RGS11: variants seen among roughly 807,000 people sequenced by gnomAD.
RGS11 encodes regulator of G protein signaling 11.
A neutral mutation model predicts 71.1 loss-of-function variants in RGS11; 86 were observed. That is an observed-to-expected ratio of 1.21 (90% confidence interval 1.02 to 1.45). The LOEUF (loss-of-function observed/expected upper bound fraction) is 1.45. Ranked by LOEUF, RGS11 falls within the 40% of genes most tolerant of loss-of-function variation. The probability of loss-of-function intolerance (pLI) is 0.00; values close to 1 mark genes in which losing one functional copy is unlikely to be tolerated. For missense variants in RGS11, 734 were observed against 635.1 expected (o/e 1.16, Z -1.67); for synonymous variants, 298 against 254.2 (o/e 1.17, Z -1.64).
chr16:270,853 C>G (rs763936023), intron 13 of RGS11, 22 bp from the exon 14 acceptor site: 1 of 1,605,968 alleles, frequency 6.2e-7, no homozygotes, highest in African/African-American at 1.3e-5. Context: ...GGCACCCAGT[C>G]AAGGATCCCA....
Position 271,054 on chromosome 16 carries a change from G to T in RGS11, c.909C>A (p.Ser303Arg). 6.2e-7 allele frequency: 1 copy of T among 1,612,538 alleles called. No individual in the cohort carries two copies. The highest frequency in any genetic ancestry group is 8.5e-7 in the Non-Finnish European group (1 of 1,179,946). ...TKLRVERWGFSFRELLEDPVG... is the reference protein window; with the variant it reads ...TKLRVERWGFRFRELLEDPVG... ...CGGGGTCCTCCAGGAGCTCCCGGAA[G>T]CTGAAGCCCCATCTCTCCACACGGA... The change falls in exon 13 of 17, where the codon AGC (serine) becomes AGA (arginine). Residue 303 changes from serine (S) to arginine (R), a missense_variant. Coordinates refer to ENST00000397770, the MANE Select transcript of RGS11 (RefSeq NM_183337.3).
At chr16:274,422 T>C (rs1680519995) in intron 4 of RGS11, 157 bp from the exon 5 acceptor site, 2 of 709,452 alleles carry the variant, frequency 2.8e-6, no homozygotes, top group Non-Finnish European at 4.7e-6. Context: ...CACTGACCAC[T>C]GGCCAGTCTC....
chr16:274,870 C>G, intron 4 of RGS11, 106 bp downstream of exon 4: 1 of 1,476,194 alleles, frequency 6.8e-7, no homozygotes, highest in African/African-American at 1.4e-5. Flanking sequence ...CGGAGTCCCA[C>G]TCCAATCCCA....
chr16:273,734 C>G (rs371146219), intron 7 of RGS11, 26 bp downstream of exon 7: 6 of 1,590,130 alleles, frequency 3.8e-6, no homozygotes, highest in Non-Finnish European at 5.2e-6. Flanking sequence ...CGCCTGCAGG[C>G]GGGGCGGGGC....
intron 2 of RGS11, 30 bp from the exon 3 acceptor site, chr16:275,363 G>A: frequency 3.1e-6 from 5 of 1,610,978 alleles, no homozygotes; most frequent in Non-Finnish European, 4.2e-6. Context: ...GTGGAGGGAG[G>A]CCGAGGCGCG....
rs1462366448 is a variant in RGS11 at position 271,663 on chromosome 16, G to A, written c.658-94C>T. 15 of 1,237,864 alleles carry A rather than the reference G, an allele frequency of 1.2e-5. No homozygotes were observed. The Admixed American group carries it at 2.4e-4, about 20-fold the overall frequency. The allele number at this position is 1,237,864 out of a possible 1,614,324, so 76.7% of individuals were successfully genotyped here. A position where few individuals can be genotyped will look rare whatever the true frequency, so the allele number is the denominator to read the frequency against. On this transcript the variant is annotated intron_variant, in intron 9 of 16. Transcript: ENST00000397770. ...GGGCACCTCCCCAGGCTGAGCCCCT[G>A]CCCCATAGATCTGGCAGAGATGGTG...
chr16:272,288 A>G (rs977979573), intron 9 of RGS11: 2 of 1,260,598 alleles, frequency 1.6e-6, no homozygotes, highest in Admixed American at 4.9e-5. Flanking sequence ...ACGCGCTGCG[A>G]GTCCTGGCCT....
chr16:270,576 G>C lies in RGS11; in HGVS notation c.1153C>G (p.His385Asp). Reference sequence around the variant, plus strand: ...TGGGCGTCATCCAGGACATAGCGGTGGGGCTGGCGCAGCCCCTCCAGGGTC... The same window carrying C: ...TGGGCGTCATCCAGGACATAGCGGTCGGGCTGGCGCAGCCCCTCCAGGGTC... ...EQTLEGLRQPHRYVLDDAQLH... is the reference protein window; with the variant it reads ...EQTLEGLRQPDRYVLDDAQLH... Residue 385 changes from histidine to aspartate, a missense_variant, in exon 15 of 17, where the codon CAC becomes GAC. Transcript: ENST00000397770. The C allele has an allele frequency of 6.2e-7, 1 of 1,608,876 alleles. No individual in the cohort carries two copies. Among genetic ancestry groups the C allele is most frequent in the Non-Finnish European group, 8.5e-7 (1 of 1,178,198 alleles).
chr16:275,809 G>T, intron 1 of RGS11, 40 bp downstream of exon 1: 3 of 918,514 alleles, frequency 3.3e-6, no homozygotes, highest in Non-Finnish European at 4.2e-6. Flanking sequence ...CTCGGGCGCC[G>T]GGAAATCGGG....
Position 268,940 on chromosome 16 carries a change from C to T in RGS11, c.*329G>A. ...CTGGTTTTAGAGATGGGGATGGGCACCCAGTGCTGGACTGAAGACCAGAGA... is the reference window on the plus strand; with the variant it reads ...CTGGTTTTAGAGATGGGGATGGGCATCCAGTGCTGGACTGAAGACCAGAGA... On this transcript the variant is annotated 3_prime_UTR_variant, in exon 17 of 17. Transcript: ENST00000397770. The T allele has an allele frequency of 1.3e-6, 2 of 1,550,376 alleles. No individual in the cohort carries two copies. Among genetic ancestry groups the T allele is most frequent in the Non-Finnish European group, 1.7e-6 (2 of 1,146,872 alleles).
chr16:272,319 C>T (rs1334689752), intron 9 of RGS11: 1 of 1,286,136 alleles, frequency 7.8e-7, no homozygotes, highest in South Asian at 1.2e-5. Context: ...TCTCTCTGAC[C>T]AGCTTTGTAT....
intron 11 of RGS11, 35 bp from the exon 12 acceptor site, chr16:271,350 C>CCTCAGCACTCAGCAGGGGT: frequency 2.5e-6 from 4 of 1,612,458 alleles, no homozygotes; most frequent in Non-Finnish European, 3.4e-6. Context: ...GCAGGAGGGG[C>CCTCAGCACTCAGCAGGGGT]CTCAGCACTC....
chr16:274,914 G>A, intron 4 of RGS11, 62 bp downstream of exon 4: 1 of 1,476,482 alleles, frequency 6.8e-7, no homozygotes, highest in Non-Finnish European at 9.2e-7. Context: ...TCCCCGAGTT[G>A]GTAAGCTGGG....
rs143744541 is a variant in RGS11 at position 271,223 on chromosome 16, T to A, written c.842A>T (p.Tyr281Phe). 4.3e-6 allele frequency: 7 copies of A among 1,612,740 alleles called. No homozygotes were observed. In the African/African-American group the frequency reaches 6.7e-5, roughly 15 times the overall value. ...SNPWISDNDAYWVMNAPTVAA... is the reference protein window; with the variant it reads ...SNPWISDNDAFWVMNAPTVAA... ...TCACGTGGGGGCATTCATGACCCAG[T>A]AGGCGTCATTGTCTGAGATCCAGGG... The change falls in exon 12 of 17, where the codon TAC becomes TTC. Residue 281 changes from tyrosine to phenylalanine, a missense_variant. Coordinates refer to ENST00000397770, the MANE Select transcript of RGS11 (RefSeq NM_183337.3).
At chr16:269,677 T>TCCTCCAGCCACAGAG (rs2051827383) in intron 15 of RGS11, 92 bp from the exon 16 acceptor site, 2 of 1,007,946 alleles carry the variant, frequency 2.0e-6, no homozygotes, top group Non-Finnish European at 3.0e-6. Flanking sequence ...TGCTGGAGCC[T>TCCTCCAGCCACAGAG]CCTCCAGCCA....
Position 274,280 on chromosome 16 carries a change from G to T in RGS11, c.319-15C>A. ...AAGTACGGGGTCTGGCGTGGTGCAG[G>T]GAGAAGGTGTCCAGGACGCCTGCGT... On this transcript the variant is annotated splice_polypyrimidine_tract_variant and intron_variant, in intron 4 of 16. Transcript: ENST00000397770. The T allele has an allele frequency of 6.2e-7, 1 of 1,606,930 alleles. No individual in the cohort carries two copies. Among genetic ancestry groups the T allele is most frequent in the Admixed American group, 1.7e-5 (1 of 59,270 alleles).
At chr16:273,654 G>A in intron 7 of RGS11, 98 bp from the exon 8 acceptor site, 3 of 1,502,192 alleles carry the variant, frequency 2.0e-6, no homozygotes, top group South Asian at 1.2e-5. Context: ...CACACCCAGG[G>A]GTGCCCTCCA....
chr16:274,630 G>A, intron 4 of RGS11: 1 of 631,580 alleles, frequency 1.6e-6, no homozygotes, highest in South Asian at 1.6e-5. Context: ...GTTAGGGAGG[G>A]CAGGAATGCT....
intron 8 of RGS11, among the ~76,000 whole-genome samples, chr16:273,161 C>G (rs1397118960): frequency 6.6e-6 from 1 of 152,184 alleles, no homozygotes; most frequent in African/African-American, 2.4e-5. Context: ...TCGGTCCCCC[C>G]ACTGCAGCCA....
Sources: gnomAD v4.1 joint callset for allele counts (sites outside exome capture counted in the v4.1 genomes callset) on GRCh38, gnomAD v4.1.1 for gene constraint, MANE v1.5 for transcripts, NCBI Gene and HGNC (gene_info 2026-07-23, HGNC 2026-07-21) for gene names.